Variants in WFS1 observed in about 807,000 individuals in gnomAD.
WFS1 encodes wolframin.
A neutral mutation model predicts 68.5 loss-of-function variants in WFS1; 90 were observed. The ratio of observed to expected loss-of-function variants is 1.31; its 90% confidence interval spans 1.11 to 1.56. The LOEUF (loss-of-function observed/expected upper bound fraction) is 1.56, where lower values mean the gene tolerates loss of function less well. WFS1 is among the 40% of genes most tolerant of loss of function. The probability of loss-of-function intolerance (pLI) is 0.00; values close to 1 mark genes in which losing one functional copy is unlikely to be tolerated. For synonymous variants in WFS1, 860 were observed against 540.7 expected, an observed-to-expected ratio of 1.59 and a Z score of -8.19; for missense variants, 1,767 against 1,232.6, an observed-to-expected ratio of 1.43 and a Z score of -6.49.
rs183972207 is a variant in WFS1 at position 6,273,051 on chromosome 4, G to A, written c.-6+3037G>A. On this transcript the variant is annotated intron_variant, in intron 1 of 7. Transcript: ENST00000226760. ...CTGGCATCCTGGAGGCAGAGGCACT[G>A]ATCAGAGAGAGTGAACATCATCTTG... 6.1e-3 allele frequency among the ~76,000 whole-genome samples: 936 copies of A among 152,372 alleles called. 5 individuals are homozygous for A. The highest frequency in any genetic ancestry group is 0.014 in the South Asian group (70 of 4,830).
intron 1 of WFS1, among the ~76,000 whole-genome samples, chr4:6,270,620 G>A (rs908214861): frequency 4.6e-5 from 7 of 152,336 alleles, no homozygotes; most frequent in Admixed American, 2.6e-4. Flanking sequence ...GGTTTCAGTG[G>A]CAGCACCTGG....
In WFS1 at chr4:6,299,866, TAGGG is replaced by T. The variant is rs1159836394; in HGVS notation, c.862-790_862-787del. ...GGTGGGTTGTGTGAATGCGTGTGTG[TAGGG>T]GTGGGCTGCATGTGTGTGTGTAGGG... On this transcript the variant is annotated intron_variant, in intron 7 of 7. Transcript: ENST00000226760. Among the ~76,000 whole-genome samples, 261 of 116,012 alleles carry T rather than the reference TAGGG, an allele frequency of 2.2e-3. 2 individuals are homozygous for T. Among genetic ancestry groups the T allele is most frequent in the African/African-American group, 8.6e-3 (251 of 29,160 alleles). The allele number at this position is 116,012 out of a possible 152,430, so 76.1% of individuals were successfully genotyped here.
intron 7 of WFS1, among the ~76,000 whole-genome samples, 153 bp downstream of exon 7, chr4:6,295,342 C>T (rs1460563877): frequency 6.6e-6 from 1 of 152,208 alleles, no homozygotes; most frequent in Non-Finnish European, 1.5e-5. Context: ...GGGTCATCAT[C>T]TATCGTCATA....
chr4:6,299,128 CCCCTCCAGT>C (rs1302898608), intron 7 of WFS1, among the ~76,000 whole-genome samples: 1 of 152,246 alleles, frequency 6.6e-6, no homozygotes, highest in Non-Finnish European at 1.5e-5. Context: ...TGTCCCCCAT[CCCCTCCAGT>C]CCCTCTGCCT....
intron 3 of WFS1, among the ~76,000 whole-genome samples, chr4:6,288,103 G>A (rs371650408): frequency 4.6e-5 from 7 of 151,690 alleles, no homozygotes; most frequent in East Asian, 1.9e-4. Flanking sequence ...TGTAATCCCA[G>A]CTACTTGGGA....
In WFS1 at chr4:6,286,964, A is replaced by G. The variant is rs181271017; in HGVS notation, c.233-129A>G. On this transcript the variant is annotated intron_variant, in intron 2 of 7. Coordinates refer to ENST00000226760, the MANE Select transcript of WFS1 (RefSeq NM_006005.3). Reference sequence around the variant, plus strand: ...CCTGTCTGTGTCTGTGTCTCTCTGTACTCCTGGCCTGGATTTGAAAGTGAC... The same window carrying G: ...CCTGTCTGTGTCTGTGTCTCTCTGTGCTCCTGGCCTGGATTTGAAAGTGAC... 1.8e-4 allele frequency: 148 copies of G among 831,116 alleles called. 2 individuals are homozygous for G. In the East Asian group the frequency reaches 3.8e-3, roughly 21 times the overall value. The allele number at this position is 831,116 out of a possible 1,614,324, so 51.5% of individuals were successfully genotyped here.
chr4:6,297,619 C>T (rs534645170), intron 7 of WFS1, among the ~76,000 whole-genome samples: 14 of 152,266 alleles, frequency 9.2e-5, no homozygotes, highest in South Asian at 8.3e-4. Flanking sequence ...TTCACGGGTC[C>T]GCTGGGCCAT....
At chr4:6,285,202 G>C (rs924741273) in intron 2 of WFS1, among the ~76,000 whole-genome samples, 1 of 151,632 alleles carries the variant, frequency 6.6e-6, no homozygotes, top group Non-Finnish European at 1.5e-5. Flanking sequence ...TCCAGGGAGA[G>C]GGGCGTCCAG....
In WFS1 at chr4:6,301,103, C is replaced by A. The variant is rs71539646; in HGVS notation, c.1308C>A (p.Thr436=). Residue 436 remains threonine (T), a synonymous_variant, in exon 8 of 8, where the codon ACC becomes ACA. Coordinates refer to ENST00000226760, the MANE Select transcript of WFS1 (RefSeq NM_006005.3). ...CCTGCTCGGAGCTGGCTGTCATCAC[C>A]GGCTTCTTTACCGTGACCAGCTACC... ...CIPCSELAVI[T]GFFTVTSYLS... 3 of 1,613,876 alleles carry A rather than the reference C, an allele frequency of 1.9e-6. No individual in the cohort carries two copies. Among genetic ancestry groups the A allele is most frequent in the South Asian group, 1.1e-5 (1 of 91,072 alleles).
rs1801210 is a variant in WFS1 at position 6,301,550 on chromosome 4, C to T, written c.1755C>T (p.Phe585=). 155 of 1,614,068 alleles carry T rather than the reference C, an allele frequency of 9.6e-5. No individual in the cohort carries two copies. Among genetic ancestry groups the T allele is most frequent in the African/African-American group, 2.3e-4 (17 of 75,056 alleles). The change falls in exon 8 of 8, where the codon TTC becomes TTT. Residue 585 remains phenylalanine, a synonymous_variant. Transcript: ENST00000226760. ...AGLALVGVLQ[F]ARWFTSLELT... ...TGGCCCTGGTGGGCGTGCTGCAGTT[C>T]GCCCGGTGGTTCACGTCTCTGGAGC... is the stretch of plus-strand genomic sequence containing the variant.
intron 2 of WFS1, among the ~76,000 whole-genome samples, chr4:6,279,068 C>G (rs1003018947): frequency 6.6e-6 from 1 of 152,192 alleles, no homozygotes; most frequent in African/African-American, 2.4e-5. Context: ...CACCACTGGG[C>G]CTGCAGCTGG....
At chr4:6,278,056 G>A (rs997009884) in intron 2 of WFS1, among the ~76,000 whole-genome samples, 2 of 152,252 alleles carry the variant, frequency 1.3e-5, no homozygotes, top group African/African-American at 2.4e-5. Flanking sequence ...CCACACTCTC[G>A]GGAGTGAGGC....
At chr4:6,298,183 C>G (rs1196842228) in intron 7 of WFS1, among the ~76,000 whole-genome samples, 1 of 152,216 alleles carries the variant, frequency 6.6e-6, no homozygotes, top group Admixed American at 6.5e-5. Context: ...TTCGCAAGGC[C>G]CCCATACGGG....
At chr4:6,284,802 G>A (rs1473195901) in intron 2 of WFS1, among the ~76,000 whole-genome samples, 3 of 150,842 alleles carry the variant, frequency 2.0e-5, no homozygotes, top group Non-Finnish European at 4.4e-5. Flanking sequence ...GCACCAGGTC[G>A]CACAGCACCT....
intron 6 of WFS1, chr4:6,294,700 G>A: frequency 2.7e-6 from 1 of 368,114 alleles, no homozygotes; most frequent in South Asian, 2.3e-5. Flanking sequence ...CACTGGAGGT[G>A]CATGTTGTAA....
rs764993824 is a variant in WFS1 at position 6,289,058 on chromosome 4, G to A, written c.387G>A (p.Trp129Ter). ...TCAACAGCTGCACCGCTGTGGACTGGCTGGTCCTCGCCGCGAAGCAGGGCC... is the reference window on the plus strand; with the variant it reads ...TCAACAGCTGCACCGCTGTGGACTGACTGGTCCTCGCCGCGAAGCAGGGCC... ...EELNSCTAVD[W>*]LVLAAKQGRR... The change falls in exon 4 of 8, where the codon TGG becomes TGA. Residue 129 changes from tryptophan (W) to a stop codon, truncating the protein, a stop_gained. Transcript: ENST00000226760. LOFTEE classifies it high-confidence loss of function. 1 of 1,597,440 alleles carries A rather than the reference G, an allele frequency of 6.3e-7. No homozygotes were observed. The highest frequency in any genetic ancestry group is 8.5e-7 in the Non-Finnish European group (1 of 1,172,732).
intron 7 of WFS1, 83 bp from the exon 8 acceptor site, chr4:6,300,574 G>C (rs1177130369): frequency 1.9e-6 from 3 of 1,593,890 alleles, no homozygotes; most frequent in East Asian, 4.5e-5. Context: ...TTGCCCAGAG[G>C]CAGGGTGGTC....
In WFS1 at chr4:6,291,328, G is replaced by A; in HGVS notation, c.592G>A (p.Ala198Thr). The A allele has an allele frequency of 1.2e-6, 2 of 1,613,416 alleles. No homozygotes were observed. The highest frequency in any genetic ancestry group is 1.7e-6 in the Non-Finnish European group (2 of 1,180,028). The change falls in exon 5 of 8, where the codon GCG becomes ACG. Residue 198 changes from alanine (A) to threonine (T), a missense_variant. Physicochemically the swap from Ala to Thr is moderately conservative, Grantham distance 58. Transcript: ENST00000226760. ...CAAGAAGAAGAAGCAGGTGGCCGTGGCGGAGCTGCTGGAGAATGTCGGCCA... is the reference window on the plus strand; with the variant it reads ...CAAGAAGAAGAAGCAGGTGGCCGTGACGGAGCTGCTGGAGAATGTCGGCCA... ...NPKKKKQVAVAELLENVGQVN... is the reference protein window; with the variant it reads ...NPKKKKQVAVTELLENVGQVN...
intron 7 of WFS1, among the ~76,000 whole-genome samples, chr4:6,297,353 C>A (rs1730664658): frequency 6.6e-6 from 1 of 152,148 alleles, no homozygotes; most frequent in Non-Finnish European, 1.5e-5. Context: ...GAGGTCTTCA[C>A]TCAAAGTGAA....
Sources: gnomAD v4.1 joint callset for allele counts (sites outside exome capture counted in the v4.1 genomes callset) on GRCh38, gnomAD v4.1.1 for gene constraint, MANE v1.5 for transcripts, NCBI Gene and HGNC (gene_info 2026-07-23, HGNC 2026-07-21) for gene names.